The following RASSF6 variants were observed in gnomAD, a reference collection of about 807,000 sequenced individuals.
RASSF6 encodes Ras association domain family member 6.
In RASSF6, 52 loss-of-function variants were observed where a neutral mutation model predicts 44.0. The ratio of observed to expected loss-of-function variants is 1.18; its 90% confidence interval spans 0.95 to 1.49. The LOEUF (loss-of-function observed/expected upper bound fraction) is 1.49. RASSF6 is among the 40% of genes most tolerant of loss of function. RASSF6 has a pLI of 0.00. For missense variants in RASSF6, 464 were observed against 393.3 expected (o/e 1.18, Z -1.52); for synonymous variants, 162 against 124.6 (o/e 1.30, Z -2.00).
chr4:73,578,120 AAAG>A (rs1723362328), intron 8 of RASSF6, among the ~76,000 whole-genome samples: 1 of 152,224 alleles, frequency 6.6e-6, no homozygotes, highest in African/African-American at 2.4e-5. Flanking sequence ...GTGAAATTAT[AAAG>A]AACTACATTT....
chr4:73,576,528 A>G (rs373859367), intron 9 of RASSF6, 21 bp from the exon 10 acceptor site: 43 of 1,554,668 alleles, frequency 2.8e-5, no homozygotes, highest in African/African-American at 6.9e-5. Flanking sequence ...AGAAGAAGAA[A>G]AAAAAAAGAA....
intron 6 of RASSF6, among the ~76,000 whole-genome samples, chr4:73,584,866 A>T (rs890770828): frequency 6.6e-6 from 1 of 152,114 alleles, no homozygotes; most frequent in African/African-American, 2.4e-5. Flanking sequence ...TCAGGTTGAG[A>T]GTTACTACTT....
rs183270836 is a variant in RASSF6 at position 73,588,766 on chromosome 4, T to A, written c.288-832A>T. Among the ~76,000 whole-genome samples, 431 of 140,732 alleles carry A rather than the reference T, an allele frequency of 3.1e-3. 3 individuals are homozygous for A. Among genetic ancestry groups the A allele is most frequent in the African/African-American group, 0.01 (401 of 38,266 alleles). 92.3% of individuals were successfully genotyped at this position (140,732 alleles called of 152,430 possible). A position where few individuals can be genotyped will look rare whatever the true frequency, so the allele number is the denominator to read the frequency against. ...CAATATAGATTAACAATAATTATAA[T>A]TATCCTCATCTCCATTGTCATCATC... On this transcript the variant is annotated intron_variant, in intron 4 of 10. Transcript: ENST00000307439.
chr4:73,615,733 G>A (rs1022252906), intron 1 of RASSF6, among the ~76,000 whole-genome samples: 1 of 152,240 alleles, frequency 6.6e-6, no homozygotes, highest in African/African-American at 2.4e-5. Flanking sequence ...AGCACTAGAA[G>A]TATAGGAGAG....
chr4:73,615,137 T>A (rs566112510), intron 1 of RASSF6, among the ~76,000 whole-genome samples: 1 of 125,862 alleles, frequency 7.9e-6, no homozygotes, highest in East Asian at 2.4e-4. Flanking sequence ...CAAGATTGTG[T>A]CCCTGCACTC....
intron 3 of RASSF6, among the ~76,000 whole-genome samples, chr4:73,595,888 C>T (rs776441937): frequency 5.3e-5 from 8 of 152,148 alleles, no homozygotes; most frequent in Non-Finnish European, 7.3e-5. Flanking sequence ...TTGTAAATTT[C>T]CTTCTGTCCA....
In RASSF6 at chr4:73,598,690, A is replaced by C; in HGVS notation, c.94T>G (p.Tyr32Asp). The change falls in exon 3 of 11, where the codon TAT becomes GAT. Residue 32 changes from tyrosine to aspartate, a missense_variant. Tyr to Asp is a radical substitution (Grantham distance 160). Coordinates refer to ENST00000307439, the MANE Select transcript of RASSF6 (RefSeq NM_177532.5). ...REQLNSLLKT[Y>D]NIFYENQKNL... is the part of the protein sequence containing the mutation. ...TTCTGGTTCTCATAAAAAATGTTAT[A>C]GGTCTTCAATAAAGAATTAAGTTGT... is the stretch of plus-strand genomic sequence containing the variant. 6.7e-7 allele frequency: 1 copy of C among 1,490,836 alleles called. No individual in the cohort carries two copies. The highest frequency in any genetic ancestry group is 1.2e-5 in the South Asian group (1 of 81,848). 92.4% of individuals were successfully genotyped at this position (1,490,836 alleles called of 1,614,324 possible).
At chr4:73,588,397 G>A (rs746467183) in intron 4 of RASSF6, among the ~76,000 whole-genome samples, 6 of 151,970 alleles carry the variant, frequency 3.9e-5, no homozygotes, top group Admixed American at 1.3e-4. Context: ...AGTGCCTATC[G>A]TTTAAGGCCC....
intron 1 of RASSF6, among the ~76,000 whole-genome samples, chr4:73,615,178 C>CACAA (rs71655756): frequency 1.3e-5 from 1 of 77,012 alleles, no homozygotes; most frequent in Admixed American, 1.8e-4. Context: ...GACTCTGTCT[C>CACAA]AAAAAAAAAA....
At chr4:73,584,168 A>G (rs1723897886) in intron 6 of RASSF6, among the ~76,000 whole-genome samples, 1 of 152,128 alleles carries the variant, frequency 6.6e-6, no homozygotes, top group Admixed American at 6.6e-5. Context: ...AATTGAGAAG[A>G]GAGATTTCTC....
chr4:73,620,251 G>A, intron 1 of RASSF6, 37 bp downstream of exon 1: 6 of 1,326,630 alleles, frequency 4.5e-6, no homozygotes, highest in Non-Finnish European at 5.9e-6. Flanking sequence ...CCCAGGGAGT[G>A]GATTAGAAAG....
chr4:73,612,897 C>A (rs982121518), intron 1 of RASSF6, among the ~76,000 whole-genome samples: 2 of 152,128 alleles, frequency 1.3e-5, no homozygotes, highest in African/African-American at 4.8e-5. Context: ...TTTCCAGGCT[C>A]CAAATTGAAA....
intron 2 of RASSF6, among the ~76,000 whole-genome samples, chr4:73,599,889 A>C (rs1578049158): frequency 6.6e-6 from 1 of 150,424 alleles, no homozygotes; most frequent in African/African-American, 2.4e-5. Context: ...ATTTCCTCCC[A>C]CCCTTCCCTC....
chr4:73,591,330 G>A (rs540621505), intron 4 of RASSF6, among the ~76,000 whole-genome samples: 1 of 151,938 alleles, frequency 6.6e-6, no homozygotes, highest in African/African-American at 2.4e-5. Flanking sequence ...AAATAATGAT[G>A]GTTTAAGGTG....
chr4:73,605,531 A>C (rs1725561685), intron 2 of RASSF6, among the ~76,000 whole-genome samples: 2 of 152,236 alleles, frequency 1.3e-5, no homozygotes, highest in Admixed American at 1.3e-4. Flanking sequence ...CAAATGATGA[A>C]GAAAGAATGC....
At chr4:73,599,721 A>G (rs1374110463) in intron 2 of RASSF6, among the ~76,000 whole-genome samples, 2 of 151,966 alleles carry the variant, frequency 1.3e-5, no homozygotes, top group East Asian at 1.9e-4. Flanking sequence ...TCTGTTGTTT[A>G]CTCTCAACAG....
chr4:73,588,830 T>C (rs1160543922), intron 4 of RASSF6, among the ~76,000 whole-genome samples: 3 of 104,420 alleles, frequency 2.9e-5, no homozygotes, highest in Non-Finnish European at 6.7e-5. Flanking sequence ...CCAGCATCTG[T>C]ATCTATTTCA....
intron 2 of RASSF6, among the ~76,000 whole-genome samples, chr4:73,610,728 C>T (rs956537383): frequency 6.6e-6 from 1 of 152,198 alleles, no homozygotes; most frequent in Non-Finnish European, 1.5e-5. Flanking sequence ...GCAATCAGAA[C>T]CCTTTCCGCT....
At chr4:73,578,025 C>CTTTTTTTCTTTAT (rs1560437493) in intron 8 of RASSF6, among the ~76,000 whole-genome samples, 2 of 978 alleles carry the variant, frequency 2.0e-3, no homozygotes, top group Non-Finnish European at 4.9e-3. Context: ...CATATGCTCT[C>CTTTTTTTCTTTAT]TTCTGACCTA....
Sources: gnomAD v4.1 joint callset for allele counts (sites outside exome capture counted in the v4.1 genomes callset) on GRCh38, gnomAD v4.1.1 for gene constraint, MANE v1.5 for transcripts, NCBI Gene and HGNC (gene_info 2026-07-23, HGNC 2026-07-21) for gene names.